TGFBR1: variants seen among roughly 807,000 people sequenced by gnomAD.
TGFBR1 encodes transforming growth factor beta receptor 1, also known as TGF-beta receptor type-1.
A neutral mutation model predicts 55.1 loss-of-function variants in TGFBR1; 20 were observed. The observed-to-expected ratio is 0.36, with a 90% CI of 0.26 to 0.53. TGFBR1 has a LOEUF of 0.53. Among genes scored for constraint, TGFBR1 ranks in the 20% least tolerant of loss-of-function variants. The probability of loss-of-function intolerance (pLI) is 0.91; values close to 1 mark genes in which losing one functional copy is unlikely to be tolerated. For missense variants in TGFBR1, 385 were observed against 617.6 expected (o/e 0.62, Z 3.99); for synonymous variants, 220 against 214.8 (o/e 1.02, Z -0.21).
At chr9:99,112,984 G>A (rs775325642) in intron 1 of TGFBR1, among the ~76,000 whole-genome samples, 6 of 152,030 alleles carry the variant, frequency 3.9e-5, no homozygotes, top group African/African-American at 1.2e-4. Context: ...GTCCTAAAAC[G>A]CTACCTTAAA....
chr9:99,147,566 CTG>C (rs1827836092), intron 7 of TGFBR1, 86 bp from the exon 8 acceptor site: 5 of 1,254,786 alleles, frequency 4.0e-6, no homozygotes, highest in South Asian at 3.7e-5. Context: ...TAATGAAACA[CTG>C]TAATAGGTCT....
At position 99,134,830 on chromosome 9, in the gene TGFBR1, A is replaced by ATATATATATATG. The variant is rs1827378699; in HGVS notation, c.574+2102_574+2103insGTATATATATAT. Among the ~76,000 whole-genome samples, 8 of 112,500 alleles carry ATATATATATATG rather than the reference A, an allele frequency of 7.1e-5. 1 individual carries two copies. The highest frequency in any genetic ancestry group is 2.2e-4 in the African/African-American group (7 of 31,442). 73.8% of individuals were successfully genotyped at this position (112,500 alleles called of 152,430 possible). On this transcript the variant is annotated intron_variant, in intron 3 of 8. Coordinates refer to ENST00000374994, the MANE Select transcript of TGFBR1 (RefSeq NM_004612.4). ...TATATATATATATATATATATATAT[A>ATATATATATATG]TATATATATATATATATATATATTT...
At chr9:99,133,093 A>G (rs1827298369) in intron 3 of TGFBR1, among the ~76,000 whole-genome samples, 1 of 152,240 alleles carries the variant, frequency 6.6e-6, no homozygotes, top group Admixed American at 6.5e-5. Context: ...AGATATTCAC[A>G]TGATCTGCAG....
intron 4 of TGFBR1, among the ~76,000 whole-genome samples, chr9:99,139,228 C>T (rs1442872640): frequency 6.6e-6 from 1 of 151,646 alleles, no homozygotes; most frequent in Non-Finnish European, 1.5e-5. Context: ...GTCATTATCT[C>T]TTAGCTTGGC....
chr9:99,118,916 A>G (rs1826825535), intron 1 of TGFBR1, among the ~76,000 whole-genome samples: 1 of 152,112 alleles, frequency 6.6e-6, no homozygotes, highest in Admixed American at 6.5e-5. Flanking sequence ...TTTAGGTGTC[A>G]TATTTCAGAG....
At chr9:99,108,277 TG>T (rs1224389883) in intron 1 of TGFBR1, among the ~76,000 whole-genome samples, 1 of 151,980 alleles carries the variant, frequency 6.6e-6, no homozygotes, top group Non-Finnish European at 1.5e-5. Flanking sequence ...ATGCAGAAAA[TG>T]GGGCAATACC....
intron 1 of TGFBR1, among the ~76,000 whole-genome samples, chr9:99,108,674 C>T (rs1169804334): frequency 6.6e-6 from 1 of 152,150 alleles, no homozygotes; most frequent in East Asian, 1.9e-4. Context: ...CTGGGGCCTA[C>T]TCCAAGGGAG....
At chr9:99,134,509 A>C (rs962001677) in intron 3 of TGFBR1, among the ~76,000 whole-genome samples, 1 of 152,016 alleles carries the variant, frequency 6.6e-6, no homozygotes, top group Non-Finnish European at 1.5e-5. Context: ...CTTCAAAAAG[A>C]TTTTGCTCAT....
At position 99,128,971 on chromosome 9, in the gene TGFBR1, A is replaced by T. The variant is rs111513627; in HGVS notation, c.214A>T (p.Ile72Leu). The change falls in exon 2 of 9, where the codon ATA becomes TTA. Residue 72 changes from isoleucine to leucine, a missense_variant. This residue lies in a region of TGFBR1 where 146 missense variants were observed against 167.7 expected (regional missense o/e 0.87). Transcript: ENST00000374994. ...TDKVIHNSMC[I>L]AEIDLIPRDR... is the part of the protein sequence containing the mutation. ...CAAAGTTATACACAACAGCATGTGT[A>T]TAGCTGAAATTGACTTAATTCCTCG... 2.6e-4 allele frequency: 413 copies of T among 1,613,910 alleles called. No individual in the cohort carries two copies. Among genetic ancestry groups the T allele is most frequent in the Non-Finnish European group, 3.3e-4 (390 of 1,179,964 alleles).
At chr9:99,147,027 T>A (rs1035325197) in intron 7 of TGFBR1, among the ~76,000 whole-genome samples, 1 of 152,218 alleles carries the variant, frequency 6.6e-6, no homozygotes, top group Non-Finnish European at 1.5e-5. Flanking sequence ...AATACAATTA[T>A]GTTACCATTG....
At chr9:99,112,143 A>G (rs575290384) in intron 1 of TGFBR1, among the ~76,000 whole-genome samples, 2 of 152,308 alleles carry the variant, frequency 1.3e-5, no homozygotes, top group African/African-American at 4.8e-5. Context: ...ATGTGGAAAA[A>G]GAATGTCTAA....
chr9:99,138,258 T>A (rs1827503567), intron 4 of TGFBR1, among the ~76,000 whole-genome samples, 169 bp downstream of exon 4: 1 of 152,232 alleles, frequency 6.6e-6, no homozygotes, highest in Non-Finnish European at 1.5e-5. Context: ...ACTAGGAACT[T>A]CTTCAAGATT....
At chr9:99,106,856 T>C (rs1025349056) in intron 1 of TGFBR1, among the ~76,000 whole-genome samples, 10 of 152,240 alleles carry the variant, frequency 6.6e-5, no homozygotes, top group Non-Finnish European at 1.2e-4. Flanking sequence ...TAGCACATTG[T>C]TGAGTCCCTT....
chr9:99,130,744 G>T (rs118096318), intron 2 of TGFBR1, among the ~76,000 whole-genome samples: 2,207 of 152,294 alleles, frequency 0.014, 23 homozygotes, highest in Non-Finnish European at 0.024. Flanking sequence ...ATGTCATCCT[G>T]TGAAATAGGT....
chr9:99,119,936 C>G (rs1257903377), intron 1 of TGFBR1, among the ~76,000 whole-genome samples: 1 of 152,210 alleles, frequency 6.6e-6, no homozygotes, highest in Non-Finnish European at 1.5e-5. Flanking sequence ...CTCTGATTCT[C>G]TGTCTAGCAT....
At chr9:99,136,423 A>T (rs11568771) in intron 3 of TGFBR1, among the ~76,000 whole-genome samples, 1 of 152,118 alleles carries the variant, frequency 6.6e-6, no homozygotes, top group East Asian at 1.9e-4. Context: ...TAGTCTCCTG[A>T]AATTAACTCT....
chr9:99,134,846 ATATAT>A (rs1827382947), intron 3 of TGFBR1, among the ~76,000 whole-genome samples: 1 of 104,404 alleles, frequency 9.6e-6, no homozygotes, highest in Non-Finnish European at 2.0e-5. Flanking sequence ...ATATATATAT[ATATAT>A]ATTTCTAGAT....
intron 1 of TGFBR1, among the ~76,000 whole-genome samples, chr9:99,116,628 C>A (rs765916130): frequency 1.3e-5 from 2 of 152,140 alleles, no homozygotes; most frequent in African/African-American, 4.8e-5. Flanking sequence ...AACATCAAGA[C>A]CCTTATGCCT....
chr9:99,144,581 C>A, intron 5 of TGFBR1, 151 bp from the exon 6 acceptor site: 1 of 782,372 alleles, frequency 1.3e-6, no homozygotes, highest in Non-Finnish European at 2.1e-6. Flanking sequence ...TAGTGATTCA[C>A]TTGAGTTTAA....
Sources: allele counts gnomAD v4.1 joint callset (sites outside exome capture counted in the v4.1 genomes callset), GRCh38; gene constraint gnomAD v4.1.1; regional missense constraint gnomAD v4.1.1; transcripts MANE v1.5; gene names NCBI Gene and HGNC (gene_info 2026-07-23, HGNC 2026-07-21).